Variants in RNF123 observed in about 807,000 individuals in gnomAD.
The protein encoded by RNF123 is ring finger protein 123.
Under a neutral mutation model 168.5 loss-of-function variants are expected in RNF123, and 86 were observed. The ratio of observed to expected loss-of-function variants is 0.51; its 90% CI spans 0.43 to 0.61. The LOEUF is 0.61. RNF123 is among the 20% of genes least tolerant of loss of function. The pLI is 0.00. For synonymous variants in RNF123, 666 were observed against 689.1 expected, an observed-to-expected ratio of 0.97 and a Z score of 0.52; for missense variants, 1,419 against 1,729.7, an observed-to-expected ratio of 0.82 and a Z score of 3.19.
At chr3:49,715,448 C>T in intron 31 of RNF123, 127 bp from the exon 32 acceptor site, 3 of 1,155,660 alleles carry the variant, frequency 2.6e-6, no homozygotes, top group Admixed American at 2.2e-5. Flanking sequence ...GCTTTCATGA[C>T]CTGAGCATTC....
chr3:49,719,652 A>G (rs1350840979), intron 35 of RNF123: 2 of 582,996 alleles, frequency 3.4e-6, no homozygotes, highest in East Asian at 6.1e-5. Context: ...CGGCACTCTT[A>G]GCCGCGCTCC....
Position 49,699,822 on chromosome 3 carries a change from G to A in RNF123, c.984+50G>A, listed in dbSNP as rs1268197722. On this transcript the variant is annotated intron_variant, in intron 12 of 38. Transcript: ENST00000327697. The surrounding 1 kb of genome is among the most constrained non-coding windows in gnomAD (Gnocchi z 4.8). ...GGAGGGGAGGAGACAGGCCATGCTA[G>A]ACACGCCCGTGGTAGATGTGCCCTC... 1.3e-6 allele frequency: 2 copies of A among 1,559,796 alleles called. No individual in the cohort carries two copies. Among genetic ancestry groups the A allele is most frequent in the African/African-American group, 2.7e-5 (2 of 73,814 alleles).
At chr3:49,706,717 G>A in intron 25 of RNF123, 74 bp from the exon 26 acceptor site, 1 of 1,342,536 alleles carries the variant, frequency 7.4e-7, no homozygotes, top group Non-Finnish European at 1.1e-6. Flanking sequence ...CCCTTCCTAG[G>A]CTGCCTGCAG....
chr3:49,696,279 T>C (rs1399561785), intron 3 of RNF123, among the ~76,000 whole-genome samples: 1 of 152,142 alleles, frequency 6.6e-6, no homozygotes, highest in East Asian at 1.9e-4. Context: ...CCTGGGCTCT[T>C]CACAGCATCT....
chr3:49,709,393 C>T (rs1162871722), intron 26 of RNF123, among the ~76,000 whole-genome samples: 24 of 151,972 alleles, frequency 1.6e-4, no homozygotes, highest in South Asian at 6.2e-4. Context: ...CTCCGCCTCC[C>T]GGGTTCACAC....
chr3:49,718,059 C>G lies in RNF123; in HGVS notation c.3500+1582C>G, dbSNP rs149938600. The G allele has an allele frequency of 2.5e-6, 4 of 1,613,536 alleles. No homozygotes were observed. The African/African-American group carries it at 5.3e-5, about 22-fold the overall frequency. On this transcript the variant is annotated intron_variant, in intron 35 of 38. Coordinates refer to ENST00000327697, the MANE Select transcript of RNF123 (RefSeq NM_022064.5). The stretch of plus-strand genomic sequence containing the variant: ...GATCGAATTCCTCAGCTACTGCCAG[C>G]TGCACGCGGCCATTGAGGCCCCTCC...
intron 3 of RNF123, among the ~76,000 whole-genome samples, chr3:49,692,068 A>AC (rs1278685973): frequency 6.6e-6 from 1 of 152,142 alleles, no homozygotes; most frequent in Non-Finnish European, 1.5e-5. Context: ...ACATGGCAAG[A>AC]CCCCATCTCT....
In RNF123 at chr3:49,712,423, T is replaced by C. The variant is rs545642172; in HGVS notation, c.2497-56T>C. On this transcript the variant is annotated intron_variant, in intron 26 of 38. Coordinates refer to ENST00000327697, the MANE Select transcript of RNF123 (RefSeq NM_022064.5). ...CTTTCCTGATCCCCAGGCCAGGACATGCCCCCAAGACCCCACTGGTGCGCA... is the reference window on the plus strand; with the variant it reads ...CTTTCCTGATCCCCAGGCCAGGACACGCCCCCAAGACCCCACTGGTGCGCA... 4 of 1,579,736 alleles carry C rather than the reference T, an allele frequency of 2.5e-6. No individual in the cohort carries two copies. The East Asian group carries it at 6.7e-5, about 27-fold the overall frequency.
In RNF123 at chr3:49,716,117, C is replaced by G. The variant is rs1178537503; in HGVS notation, c.3355C>G (p.Leu1119Val). 2 of 1,613,656 alleles carry G rather than the reference C, an allele frequency of 1.2e-6. No homozygotes were observed. The highest frequency in any genetic ancestry group is 3.3e-5 in the Admixed American group (2 of 60,002). The part of the protein sequence containing the change: ...RRLAQLLNQV[L>V]NRVTAERNLF... ...CCCCTCACAGCTGCTAAACCAGGTGCTGAACCGGGTGACAGCTGAGAGGAA... is the reference window on the plus strand; with the variant it reads ...CCCCTCACAGCTGCTAAACCAGGTGGTGAACCGGGTGACAGCTGAGAGGAA... The change falls in exon 34 of 39, where the codon CTG becomes GTG. Residue 1119 changes from leucine (L) to valine (V), a missense_variant. By Grantham distance (32) the Leu-to-Val change is conservative. This residue lies in a region of RNF123 where 538 missense variants were observed against 708.8 expected (regional missense o/e 0.76). Transcript: ENST00000327697.
intron 26 of RNF123, 28 bp from the exon 27 acceptor site, chr3:49,712,451 C>G: frequency 1.2e-6 from 2 of 1,611,820 alleles, no homozygotes; most frequent in Non-Finnish European, 1.7e-6. Context: ...GGTGCGCAAC[C>G]CAGCAGCACC....
intron 8 of RNF123, 80 bp from the exon 9 acceptor site, chr3:49,698,675 G>A: frequency 6.4e-7 from 1 of 1,569,818 alleles, no homozygotes; most frequent in Non-Finnish European, 8.7e-7. Context: ...CCCTTGGGTG[G>A]TTCTGGAAAC....
At chr3:49,718,318 G>A (rs2080295976) in intron 35 of RNF123, 1 of 1,613,364 alleles carries the variant, frequency 6.2e-7, no homozygotes, top group Non-Finnish European at 8.5e-7. Context: ...GGTGAAGCCT[G>A]TGTTGAAAGC....
chr3:49,714,118 G>A lies in RNF123; in HGVS notation c.2954G>A (p.Arg985Gln), dbSNP rs776678354. The change falls in exon 31 of 39, where the codon CGG (arginine) becomes CAG (glutamine). Residue 985 changes from arginine (R) to glutamine (Q), a missense_variant. Around this residue, in one of 5 missense-constraint regions of RNF123, gnomAD observed 538 missense variants for 708.8 expected, o/e 0.76. Transcript: ENST00000327697. ...RGCGFGYRYT[R>Q]LPHLLKTKLE... is the part of the protein sequence containing the mutation. ...TGTGGCTTCGGGTACCGCTATACAC[G>A]GCTGCCACATCTGCTGAAAACCAAA... The A allele has an allele frequency of 2.0e-5, 33 of 1,613,948 alleles. No individual in the cohort carries two copies. The African/African-American group carries it at 2.3e-4, about 11-fold the overall frequency.
At chr3:49,713,401 G>A in intron 27 of RNF123, 112 bp from the exon 28 acceptor site, 1 of 1,011,100 alleles carries the variant, frequency 9.9e-7, no homozygotes, top group Non-Finnish European at 1.5e-6. Flanking sequence ...GGTCCAGGCT[G>A]GCCTTGGGAG....
intron 35 of RNF123, chr3:49,719,410 C>T (rs767245674): frequency 6.2e-7 from 1 of 1,613,626 alleles, no homozygotes; most frequent in South Asian, 1.1e-5. Context: ...GTCCGGGGTG[C>T]CTAACCCAAC....
At chr3:49,692,401 T>G (rs949701556) in intron 3 of RNF123, among the ~76,000 whole-genome samples, 3 of 152,254 alleles carry the variant, frequency 2.0e-5, no homozygotes, top group Non-Finnish European at 4.4e-5. Context: ...CATGAGATAC[T>G]TTGATACAGG....
At chr3:49,720,317 G>GAAAAAAA in intron 35 of RNF123, 194 bp from the exon 36 acceptor site, 1 of 345,010 alleles carries the variant, frequency 2.9e-6, no homozygotes, top group South Asian at 1.1e-4. Context: ...CTCGTCTCAA[G>GAAAAAAA]AAAAAAAAAA....
At chr3:49,700,392 T>C in intron 13 of RNF123, 40 bp downstream of exon 13, 1 of 1,613,016 alleles carries the variant, frequency 6.2e-7, no homozygotes, top group Non-Finnish European at 8.5e-7. Context: ...TGGCTGTCAG[T>C]CTTCACTGGG....
At position 49,691,218 on chromosome 3, in the gene RNF123, C is replaced by T; in HGVS notation, c.53C>T (p.Thr18Ile). Residue 18 changes from threonine to isoleucine, a missense_variant, in exon 2 of 39, where the codon ACC (threonine) becomes ATC (isoleucine). Around this residue, in one of 5 missense-constraint regions of RNF123, gnomAD observed 318 missense variants for 446.6 expected, o/e 0.71. Transcript: ENST00000327697. The stretch of plus-strand genomic sequence containing the variant: ...TTCTCCCGCAAGAGCTATAGGCTGA[C>T]CTCAGATGCTGAGAAATCCAGGGTC... Reference protein sequence around the residue: ...MSFSRKSYRLTSDAEKSRVTG... With the variant: ...MSFSRKSYRLISDAEKSRVTG... 6.2e-7 allele frequency: 1 copy of T among 1,613,954 alleles called. No individual in the cohort carries two copies. The highest frequency in any genetic ancestry group is 8.5e-7 in the Non-Finnish European group (1 of 1,179,828).
Sources: gnomAD v4.1 joint callset for allele counts (sites outside exome capture counted in the v4.1 genomes callset) on GRCh38, gnomAD v4.1.1 for gene constraint, gnomAD v4.1.1 regional missense constraint, Gnocchi (gnomAD v3.1) non-coding constraint, MANE v1.5 for transcripts, NCBI Gene and HGNC (gene_info 2026-07-23, HGNC 2026-07-21) for gene names.